PIEZO2: variants seen among roughly 807,000 people sequenced by gnomAD.
PIEZO2 encodes the protein piezo type mechanosensitive ion channel component 2.
PIEZO2 carries 172 observed loss-of-function variants against 337.3 expected under a neutral mutation model. That is an observed-to-expected ratio of 0.51 (90% CI 0.45 to 0.58). PIEZO2 has a LOEUF of 0.58. Among genes scored for constraint, PIEZO2 ranks in the 20% least tolerant of loss-of-function variants. The pLI is 0.00. For synonymous variants in PIEZO2, 1,251 were observed against 1,228.5 expected (o/e 1.02, Z -0.38); for missense variants, 3,028 against 3,391.3 (o/e 0.89, Z 2.66).
At chr18:10,779,255 G>T (rs1016142006) in intron 18 of PIEZO2, among the ~76,000 whole-genome samples, 1 of 152,060 alleles carries the variant, frequency 6.6e-6, no homozygotes, top group Non-Finnish European at 1.5e-5. Context: ...AAGCGAACGG[G>T]GTAGAAAACC....
rs116839312 is a variant in PIEZO2, at chr18:10,901,583, G to A, written c.329+9603C>T. Among the ~76,000 whole-genome samples the A allele has an allele frequency of 6.8e-3, 1,032 of 152,280 alleles. 12 individuals carry two copies. Among genetic ancestry groups the A allele is most frequent in the African/African-American group, 0.021 (872 of 41,544 alleles). On this transcript the variant is annotated intron_variant, in intron 4 of 55. Transcript: ENST00000674853. ...TCAAATCTGCTGTTTACTTCTTTGA[G>A]CTGGGTGGTCACATGGTGAAGTACT... is the stretch of plus-strand genomic sequence containing the variant.
chr18:11,094,970 A>C lies in PIEZO2; in HGVS notation c.65-28748T>G, dbSNP rs2039221472. Among the ~76,000 whole-genome samples, 1 of 152,220 alleles carries C rather than the reference A, an allele frequency of 6.6e-6. No individual in the cohort carries two copies. The highest frequency in any genetic ancestry group is 2.1e-4 in the South Asian group (1 of 4,828). On this transcript the variant is annotated intron_variant, in intron 1 of 55. Transcript: ENST00000674853. The surrounding 1 kb of genome is among the most constrained non-coding windows in gnomAD (Gnocchi z 4.4). Reference sequence around the variant, plus strand: ...GGAAGGGGGCCCCAGGGCCATTTTCAGTGTGCCATTGAAACTATGCCACCA... The same window carrying C: ...GGAAGGGGGCCCCAGGGCCATTTTCCGTGTGCCATTGAAACTATGCCACCA...
chr18:10,677,552 G>T lies in PIEZO2; in HGVS notation c.8081+195C>A. ...ATTTGGAACATAGACATAACCCTGG[G>T]GACAGTGGACAGAAAACTCCATAGC... is the stretch of plus-strand genomic sequence containing the variant. On this transcript the variant is annotated intron_variant, in intron 53 of 55. Coordinates refer to ENST00000674853, the MANE Select transcript of PIEZO2 (RefSeq NM_001378183.1). The surrounding 1 kb of genome is among the most constrained non-coding windows in gnomAD (Gnocchi z 4.1). 1 of 557,170 alleles carries T rather than the reference G, an allele frequency of 1.8e-6. No individual in the cohort carries two copies. Among genetic ancestry groups the T allele is most frequent in the Non-Finnish European group, 3.0e-6 (1 of 333,938 alleles). The allele number at this position is 557,170 out of a possible 1,614,324, so 34.5% of individuals were successfully genotyped here. A position where few individuals can be genotyped will look rare whatever the true frequency, so the allele number is the denominator to read the frequency against.
chr18:10,785,616 C>T (rs1047666616), intron 16 of PIEZO2, among the ~76,000 whole-genome samples: 8 of 152,154 alleles, frequency 5.3e-5, no homozygotes, highest in Non-Finnish European at 8.8e-5. Context: ...GTCTACCCTG[C>T]GCAAACTGAG....
chr18:11,023,725 C>T (rs1457857550), intron 2 of PIEZO2, among the ~76,000 whole-genome samples: 5 of 152,194 alleles, frequency 3.3e-5, no homozygotes, highest in African/African-American at 7.2e-5. Flanking sequence ...AGGCTAGGGC[C>T]GCACAGGAGC....
rs770096177 is a variant in PIEZO2 at position 10,696,262 on chromosome 18, G to A, written c.7002C>T (p.Thr2334=). The change falls in exon 47 of 56, where the codon ACC becomes ACT. Residue 2334 remains threonine, a synonymous_variant. Transcript: ENST00000674853. ...GGACCTGGTCCTCTGACAGTGAAGA[G>A]GTGATGTCTGCAGCTGCTGAGTGTT... is the stretch of plus-strand genomic sequence containing the variant. ...FGKHSAAADI[T]SSLSEDQVPG... is the part of the protein sequence containing the mutation. 7.1e-5 allele frequency: 114 copies of A among 1,614,096 alleles called. No homozygotes were observed. Among genetic ancestry groups the A allele is most frequent in the Non-Finnish European group, 8.9e-5 (105 of 1,180,034 alleles).
At chr18:11,043,819 G>A (rs1314660812) in intron 2 of PIEZO2, among the ~76,000 whole-genome samples, 2 of 151,850 alleles carry the variant, frequency 1.3e-5, no homozygotes, top group African/African-American at 2.4e-5. Context: ...ATAGGCACGT[G>A]CCATCATGCC....
At chr18:10,749,037 T>C (rs2037539595) in intron 29 of PIEZO2, among the ~76,000 whole-genome samples, 1 of 152,070 alleles carries the variant, frequency 6.6e-6, no homozygotes, top group African/African-American at 2.4e-5. Context: ...AGCAGAATAA[T>C]GAGCACAGCA....
intron 3 of PIEZO2, among the ~76,000 whole-genome samples, chr18:10,934,747 A>C (rs2059286829): frequency 6.6e-6 from 1 of 151,388 alleles, no homozygotes; most frequent in South Asian, 2.1e-4. Context: ...AATGGGCTTA[A>C]CTTAATGCCT....
Position 10,940,638 on chromosome 18 carries a change from C to T in PIEZO2, c.287-29410G>A, listed in dbSNP as rs983865927. Among the ~76,000 whole-genome samples, 2 of 152,192 alleles carry T rather than the reference C, an allele frequency of 1.3e-5. No individual in the cohort carries two copies. Among genetic ancestry groups the T allele is most frequent in the African/African-American group, 2.4e-5 (1 of 41,450 alleles). Reference sequence around the variant, plus strand: ...CAACACTTCGAGAGGCCCAGGCGGGCGGCTCACAAGGCCAAGTGATTGAGA... The same window carrying T: ...CAACACTTCGAGAGGCCCAGGCGGGTGGCTCACAAGGCCAAGTGATTGAGA... On this transcript the variant is annotated intron_variant, in intron 3 of 55. Coordinates refer to ENST00000674853, the MANE Select transcript of PIEZO2 (RefSeq NM_001378183.1). The surrounding 1 kb of genome is among the most constrained non-coding windows in gnomAD (Gnocchi z 5.3).
At chr18:10,842,017 A>T (rs1259175658) in intron 7 of PIEZO2, among the ~76,000 whole-genome samples, 2 of 152,090 alleles carry the variant, frequency 1.3e-5, no homozygotes. Context: ...TTAGCTGGGC[A>T]TGGCGGTGTG....
chr18:10,807,386 C>A, intron 7 of PIEZO2, 112 bp from the exon 8 acceptor site: 1 of 939,016 alleles, frequency 1.1e-6, no homozygotes, highest in South Asian at 1.8e-5. Flanking sequence ...TAGGTTGATC[C>A]GTTCTATTGT....
chr18:10,820,570 A>G (rs1253179894), intron 7 of PIEZO2, among the ~76,000 whole-genome samples: 1 of 151,652 alleles, frequency 6.6e-6, no homozygotes, highest in African/African-American at 2.4e-5. Flanking sequence ...CATTATGTCC[A>G]TTTTCTGTAA....
Position 10,693,356 on chromosome 18 carries a change from T to G in PIEZO2, c.7191-1973A>C, listed in dbSNP as rs9967404. ...TGCTTCTTGCTTTCCAATCTGGATT[T>G]TGTGTGTGTGTGTGTGTGTGTGTGT... is the stretch of plus-strand genomic sequence containing the variant. On this transcript the variant is annotated intron_variant, in intron 47 of 55. Transcript: ENST00000674853. Among the ~76,000 whole-genome samples, 485 of 90,032 alleles carry G rather than the reference T, an allele frequency of 5.4e-3. 2 individuals carry two copies. The highest frequency in any genetic ancestry group is 0.015 in the African/African-American group (418 of 28,298). 59.1% of individuals were successfully genotyped at this position (90,032 alleles called of 152,430 possible). A position where few individuals can be genotyped will look rare whatever the true frequency, so the allele number is the denominator to read the frequency against.
chr18:10,945,433 T>A lies in PIEZO2; in HGVS notation c.286+34102A>T, dbSNP rs1218824867. Among the ~76,000 whole-genome samples, 2 of 152,132 alleles carry A rather than the reference T, an allele frequency of 1.3e-5. No individual in the cohort carries two copies. The highest frequency in any genetic ancestry group is 2.4e-5 in the African/African-American group (1 of 41,418). ...ATACTGTCTACATTGAGTAGAATAATCAAAAGGGTCTTGCCTCAGTAGTGG... is the reference window on the plus strand; with the variant it reads ...ATACTGTCTACATTGAGTAGAATAAACAAAAGGGTCTTGCCTCAGTAGTGG... On this transcript the variant is annotated intron_variant, in intron 3 of 55. Transcript: ENST00000674853. This position sits in a 1 kb window ranked among gnomAD's most constrained non-coding sequence, Gnocchi z 4.0.
chr18:10,731,338 G>T, intron 36 of PIEZO2, 69 bp downstream of exon 36: 1 of 1,042,274 alleles, frequency 9.6e-7, no homozygotes, highest in Non-Finnish European at 1.4e-6. Flanking sequence ...TCTGTCCTTT[G>T]CAGACAAGGC....
chr18:10,927,141 C>T (rs264266), intron 3 of PIEZO2, among the ~76,000 whole-genome samples: 93,954 of 152,104 alleles, frequency 0.62, 29,398 homozygotes, highest in East Asian at 0.73. Context: ...CCTCTGTTCT[C>T]TCCGGAGACT....
In PIEZO2 at chr18:11,092,395, A is replaced by G. The variant is rs1384220269; in HGVS notation, c.65-26173T>C. 6.6e-6 allele frequency among the ~76,000 whole-genome samples: 1 copy of G among 152,240 alleles called. No homozygotes were observed. The highest frequency in any genetic ancestry group is 1.5e-5 in the Non-Finnish European group (1 of 68,038). ...TTCCATGTGATTCAATTTTATTAAG[A>G]TATGTGAAATGATATCTCATATTTG... On this transcript the variant is annotated intron_variant, in intron 1 of 55. Coordinates refer to ENST00000674853, the MANE Select transcript of PIEZO2 (RefSeq NM_001378183.1). The surrounding 1 kb of genome is among the most constrained non-coding windows in gnomAD (Gnocchi z 4.5).
In PIEZO2 at chr18:10,782,426, TA is replaced by T. The variant is rs1376990789; in HGVS notation, c.2493-2061del. 8.3e-5 allele frequency among the ~76,000 whole-genome samples: 5 copies of T among 60,050 alleles called. No individual in the cohort carries two copies. In the East Asian group the frequency reaches 1.8e-3, roughly 22 times the overall value. 39.4% of individuals were successfully genotyped at this position (60,050 alleles called of 152,430 possible). A position where few individuals can be genotyped will look rare whatever the true frequency, so the allele number is the denominator to read the frequency against. On this transcript the variant is annotated intron_variant, in intron 17 of 55. Coordinates refer to ENST00000674853, the MANE Select transcript of PIEZO2 (RefSeq NM_001378183.1). ...TTATATAATATATTATAATTATATA[TA>T]AATAATTATATAATATATTATATAG...
Sources: allele counts gnomAD v4.1 joint callset (sites outside exome capture counted in the v4.1 genomes callset), GRCh38; gene constraint gnomAD v4.1.1; non-coding constraint Gnocchi (gnomAD v3.1); transcripts MANE v1.5; gene names NCBI Gene and HGNC (gene_info 2026-07-23, HGNC 2026-07-21).